The following MEF2C variants were observed in gnomAD, a reference collection of about 807,000 sequenced individuals.
MEF2C encodes myocyte-specific enhancer factor 2C.
In MEF2C, 6 loss-of-function variants were observed where a neutral mutation model predicts 50.5. The ratio of observed to expected loss-of-function variants is 0.12; its 90% CI spans 0.07 to 0.23. The LOEUF is 0.23. MEF2C is among the 10% of genes least tolerant of loss of function. The probability of loss-of-function intolerance (pLI) is 1.00; values close to 1 mark genes in which losing one functional copy is unlikely to be tolerated. For missense variants in MEF2C, 276 were observed against 605.0 expected (o/e 0.46, Z 5.70); for synonymous variants, 183 against 228.0 (o/e 0.80, Z 1.78).
Position 88,787,230 on chromosome 5 carries a change from A to C in MEF2C, c.258+17368T>G, listed in dbSNP as rs7732883. On this transcript the variant is annotated intron_variant, in intron 3 of 10. Transcript: ENST00000504921. ...ATATAATCATTCAATATTTACTTAT[A>C]AATAATACACTTATTAGCATAAACT... is the stretch of plus-strand genomic sequence containing the variant. Among the ~76,000 whole-genome samples, 968 of 152,354 alleles carry C rather than the reference A, an allele frequency of 6.4e-3. 10 individuals are homozygous for C. The highest frequency in any genetic ancestry group is 0.021 in the African/African-American group (887 of 41,588).
At chr5:88,903,204 A>G (rs1179340421) in intron 1 of MEF2C, among the ~76,000 whole-genome samples, 3 of 151,894 alleles carry the variant, frequency 2.0e-5, no homozygotes, top group African/African-American at 7.2e-5. Flanking sequence ...AATTTTGGAA[A>G]TCAGTGATGT....
In MEF2C at chr5:88,795,319, T is replaced by C. The variant is rs1332898884; in HGVS notation, c.258+9279A>G. ...TTTGTTTGTGTCCTCTCTTATTTCTTTGGGCAGTGGTGTGCAGTTCTCCTT... is the reference window on the plus strand; with the variant it reads ...TTTGTTTGTGTCCTCTCTTATTTCTCTGGGCAGTGGTGTGCAGTTCTCCTT... On this transcript the variant is annotated intron_variant, in intron 3 of 10. Transcript: ENST00000504921. Among the ~76,000 whole-genome samples, 6 of 152,184 alleles carry C rather than the reference T, an allele frequency of 3.9e-5. No homozygotes were observed. The South Asian group carries it at 1.0e-3, about 26-fold the overall frequency.
At chr5:88,886,025 C>G (rs3909444), upstream of MEF2C, among the ~76,000 whole-genome samples, 3,479 of 152,078 alleles carry the variant, frequency 0.023, 248 homozygotes, top group Admixed American at 0.13. Flanking sequence ...AAGTATAACC[C>G]CACACTGGAT....
intron 3 of MEF2C, among the ~76,000 whole-genome samples, chr5:88,786,497 G>T (rs1416571911): frequency 1.3e-5 from 2 of 152,138 alleles, no homozygotes; most frequent in African/African-American, 4.8e-5. Flanking sequence ...TTAAACTAAC[G>T]ATGTGGGATG....
intron 3 of MEF2C, among the ~76,000 whole-genome samples, chr5:88,791,734 CATTT>C (rs1270137790): frequency 6.6e-6 from 1 of 151,964 alleles, no homozygotes; most frequent in Non-Finnish European, 1.5e-5. Context: ...ATTTTAGACT[CATTT>C]CTTCTTTAAG....
chr5:88,790,390 G>T (rs1294485139), intron 3 of MEF2C, among the ~76,000 whole-genome samples: 6 of 152,252 alleles, frequency 3.9e-5, no homozygotes, highest in Non-Finnish European at 8.8e-5. Flanking sequence ...GAAATAAAGG[G>T]ATCCTGGGCC....
intron 6 of MEF2C, chr5:88,733,700 A>G (rs114666715): frequency 0.021 from 20,402 of 985,154 alleles, 248 homozygotes; most frequent in Non-Finnish European, 0.023. Context: ...GCATGAATAA[A>G]CAGGCTGAAT....
chr5:88,769,909 G>C (rs1561925169), intron 3 of MEF2C: 1 of 951,704 alleles, frequency 1.1e-6, no homozygotes, highest in Admixed American at 6.2e-5. Flanking sequence ...GCCTCCTAAA[G>C]TGCTAGGATT....
rs1561421291 is a variant in MEF2C at position 88,869,300 on chromosome 5, TATATATATATATATAC to T, written c.-143+13639_-143+13654del. Among the ~76,000 whole-genome samples, 800 of 100,246 alleles carry T rather than the reference TATATATATATATATAC, an allele frequency of 8.0e-3. 24 individuals are homozygous for T. The highest frequency in any genetic ancestry group is 9.9e-3 in the Non-Finnish European group (506 of 50,890). The allele number at this position is 100,246 out of a possible 152,430, so 65.8% of individuals were successfully genotyped here. On this transcript the variant is annotated intron_variant, in intron 1 of 10. Coordinates refer to ENST00000504921, the MANE Select transcript of MEF2C (RefSeq NM_002397.5). ...ATACATATATATATATATATACACATATATATATATATATACACATATAGCTTCATTTGTACAAATT... is the reference window on the plus strand; with the variant it reads ...ATACATATATATATATATATACACATACATATAGCTTCATTTGTACAAATT...
chr5:88,850,885 C>T (rs1415015602), intron 1 of MEF2C, among the ~76,000 whole-genome samples: 1 of 151,904 alleles, frequency 6.6e-6, no homozygotes, highest in African/African-American at 2.4e-5. Context: ...CTCTCTTCGT[C>T]GTCTTCATCA....
chr5:88,846,517 T>C (rs1015137328), intron 1 of MEF2C, among the ~76,000 whole-genome samples: 3 of 152,220 alleles, frequency 2.0e-5, no homozygotes, highest in Non-Finnish European at 4.4e-5. Flanking sequence ...GTAATGTCTT[T>C]GTTAGCATAA....
At chr5:88,894,210 A>G (rs1030689352) in intron 1 of MEF2C, among the ~76,000 whole-genome samples, 3 of 152,158 alleles carry the variant, frequency 2.0e-5, no homozygotes, top group African/African-American at 4.8e-5. Context: ...TTACACACTA[A>G]AGCTGTGAGT....
intron 1 of MEF2C, among the ~76,000 whole-genome samples, chr5:88,867,360 G>A: frequency 6.6e-6 from 1 of 152,100 alleles, no homozygotes; most frequent in Admixed American, 6.6e-5. Context: ...AGAAGAGAGT[G>A]GACTTGAGAC....
intron 1 of MEF2C, chr5:88,838,787 C>T: frequency 1.1e-6 from 1 of 943,524 alleles, no homozygotes; most frequent in Non-Finnish European, 1.3e-6. Context: ...AAATTATGGT[C>T]TACTACAAAT....
intron 1 of MEF2C, among the ~76,000 whole-genome samples, chr5:88,857,527 T>C (rs1370643231): frequency 6.6e-6 from 1 of 152,178 alleles, no homozygotes; most frequent in Non-Finnish European, 1.5e-5. Flanking sequence ...ATGATATGGT[T>C]TGGCTGTGTC....
At chr5:88,882,534 G>A (rs1833239100) in intron 1 of MEF2C, among the ~76,000 whole-genome samples, 1 of 152,152 alleles carries the variant, frequency 6.6e-6, no homozygotes, top group South Asian at 2.1e-4. Flanking sequence ...TCTTTGGGGG[G>A]ACTCATGGGA....
intron 2 of MEF2C, among the ~76,000 whole-genome samples, chr5:88,806,001 A>C (rs1431553227): frequency 6.6e-6 from 1 of 151,718 alleles, no homozygotes; most frequent in African/African-American, 2.4e-5. Flanking sequence ...TATGTTTGGA[A>C]AAAGAGGCAC....
At chr5:88,796,289 G>A (rs528113095) in intron 3 of MEF2C, among the ~76,000 whole-genome samples, 1 of 152,144 alleles carries the variant, frequency 6.6e-6, no homozygotes, top group African/African-American at 2.4e-5. Flanking sequence ...TTGGTTGGTA[G>A]CCTATTAATT....
chr5:88,752,150 T>C, intron 4 of MEF2C, 107 bp from the exon 5 acceptor site: 1 of 1,014,090 alleles, frequency 9.9e-7, no homozygotes, highest in East Asian at 2.7e-5. Context: ...CATTCCAAAC[T>C]ACTTTGTGTC....
Sources: allele counts gnomAD v4.1 joint callset (sites outside exome capture counted in the v4.1 genomes callset), GRCh38; gene constraint gnomAD v4.1.1; transcripts MANE v1.5; gene names NCBI Gene and HGNC (gene_info 2026-07-23, HGNC 2026-07-21).